Variants in UTS2 observed in about 807,000 individuals in gnomAD.
The protein encoded by UTS2 is urotensin 2.
In UTS2, 10 loss-of-function variants were observed where a neutral mutation model predicts 12.6. That is an observed-to-expected ratio of 0.80 (90% CI 0.49 to 1.35). The LOEUF (loss-of-function observed/expected upper bound fraction) is 1.35, where lower values mean the gene tolerates loss of function less well. Ranked by LOEUF, UTS2 falls within the 40% of genes most tolerant of loss-of-function variation. UTS2 has a pLI of 0.00. For missense variants in UTS2, 142 were observed against 143.2 expected (o/e 0.99, Z 0.04); for synonymous variants, 52 against 50.0 (o/e 1.04, Z -0.17).
At chr1:7,867,086 T>C in the UTS2 span, among the ~76,000 whole-genome samples, 3 of 152,088 alleles carry the variant, frequency 2.0e-5, no homozygotes, top group African/African-American at 4.8e-5. Flanking sequence ...GTCAGGATGG[T>C]CTTGAACTCC....
In UTS2 at chr1:7,847,895, A is replaced by G; in HGVS notation, c.259-13T>C. The G allele has an allele frequency of 1.3e-6, 2 of 1,568,566 alleles. No homozygotes were observed. The highest frequency in any genetic ancestry group is 1.7e-6 in the Non-Finnish European group (2 of 1,149,082). ...AGAAATCCTGAAACTAAAACAATCC[A>G]AACGAACAACAACAACAAAAAAAAA... On this transcript the variant is annotated splice_polypyrimidine_tract_variant and intron_variant, in intron 3 of 3. Transcript: ENST00000361696.
the UTS2 span, among the ~76,000 whole-genome samples, chr1:7,874,101 T>C: frequency 6.6e-6 from 1 of 152,014 alleles, no homozygotes; most frequent in Non-Finnish European, 1.5e-5. Flanking sequence ...TTCGGAAACA[T>C]GCAAAGAGAA....
chr1:7,892,738 C>T, the UTS2 span, among the ~76,000 whole-genome samples: 38 of 152,028 alleles, frequency 2.5e-4, no homozygotes, highest in Non-Finnish European at 2.9e-4. Context: ...TCAGCGGCCT[C>T]GGTCTCCCAA....
the UTS2 span, among the ~76,000 whole-genome samples, chr1:7,899,898 C>A: frequency 2.6e-5 from 4 of 152,146 alleles, no homozygotes; most frequent in Non-Finnish European, 4.4e-5. Flanking sequence ...GAGGGAAAGA[C>A]CTGCTTCCAG....
At chr1:7,890,728 C>CAAA in the UTS2 span, among the ~76,000 whole-genome samples, 474 of 107,244 alleles carry the variant, frequency 4.4e-3, 15 homozygotes, top group African/African-American at 0.011. Context: ...CCCATCTCCA[C>CAAA]AAAAAAAAAA....
At chr1:7,895,780 C>A in the UTS2 span, among the ~76,000 whole-genome samples, 1 of 152,172 alleles carries the variant, frequency 6.6e-6, no homozygotes, top group South Asian at 2.1e-4. Context: ...ATTGAAAAAG[C>A]AGTTTTATGA....
upstream of UTS2, chr1:7,853,662 C>T (rs1578028701): frequency 4.1e-6 from 2 of 484,912 alleles, no homozygotes; most frequent in East Asian, 3.8e-5. Context: ...GAAATAACTT[C>T]ATAAAGTTGA....
chr1:7,890,728 C>CAAAAA, the UTS2 span, among the ~76,000 whole-genome samples: 38 of 107,294 alleles, frequency 3.5e-4, no homozygotes, highest in Middle Eastern at 0.011. Flanking sequence ...CCCATCTCCA[C>CAAAAA]AAAAAAAAAA....
the UTS2 span, among the ~76,000 whole-genome samples, chr1:7,904,665 G>A: frequency 3.3e-5 from 5 of 152,136 alleles, no homozygotes; most frequent in Non-Finnish European, 7.3e-5. Flanking sequence ...AGCACTTTGG[G>A]AGGATGAGGC....
At chr1:7,885,920 G>A in the UTS2 span, among the ~76,000 whole-genome samples, 3 of 90,006 alleles carry the variant, frequency 3.3e-5, no homozygotes, top group Admixed American at 1.1e-4. Context: ...GGGGGGGGCG[G>A]GTGGAGGTGG....
At chr1:7,877,123 T>C in the UTS2 span, among the ~76,000 whole-genome samples, 1 of 38,550 alleles carries the variant, frequency 2.6e-5, no homozygotes, top group South Asian at 1.3e-3. Flanking sequence ...AGTGAGACTC[T>C]ATCAAAAAAA....
At chr1:7,876,199 A>G in the UTS2 span, among the ~76,000 whole-genome samples, 2 of 151,936 alleles carry the variant, frequency 1.3e-5, no homozygotes, top group Admixed American at 1.3e-4. Context: ...GCCCATGAAC[A>G]TTGTCTGGGC....
the UTS2 span, among the ~76,000 whole-genome samples, chr1:7,867,280 A>G: frequency 1.3e-5 from 2 of 152,180 alleles, no homozygotes; most frequent in African/African-American, 4.8e-5. Flanking sequence ...CATGCACCGA[A>G]TTGTGTTGGC....
chr1:7,857,094 GGAAGAAAAGGAAT>G (rs1397886041), upstream of UTS2, among the ~76,000 whole-genome samples: 1 of 115,024 alleles, frequency 8.7e-6, no homozygotes, highest in Non-Finnish European at 1.8e-5. Flanking sequence ...AAGGAAGGAA[GGAAGAAAAGGAAT>G]GAAGGAAGGA....
At chr1:7,912,734 T>C in the UTS2 span, among the ~76,000 whole-genome samples, 1 of 152,046 alleles carries the variant, frequency 6.6e-6, no homozygotes, top group Non-Finnish European at 1.5e-5. Flanking sequence ...TGCCCTCCAC[T>C]GGGGCCCCCA....
the UTS2 span, among the ~76,000 whole-genome samples, chr1:7,900,900 C>G: frequency 3.3e-5 from 5 of 152,154 alleles, no homozygotes; most frequent in African/African-American, 1.2e-4. Flanking sequence ...CCACTTTCTT[C>G]TATTCTCTGG....
At chr1:7,885,851 G>C in the UTS2 span, among the ~76,000 whole-genome samples, 18,098 of 143,814 alleles carry the variant, frequency 0.13, 1,669 homozygotes, top group Non-Finnish European at 0.19. Context: ...CGAGGCCCAG[G>C]AGAGGCAAGG....
chr1:7,890,967 AC>A, the UTS2 span, among the ~76,000 whole-genome samples: 69,585 of 135,874 alleles, frequency 0.51, 18,388 homozygotes, highest in Admixed American at 0.64. Flanking sequence ...GATACCCTCC[AC>A]CCCCCCCCAC....
chr1:7,875,293 C>T, the UTS2 span, among the ~76,000 whole-genome samples: 6 of 152,138 alleles, frequency 3.9e-5, no homozygotes, highest in Admixed American at 2.6e-4. Flanking sequence ...CCAGGATGGT[C>T]TCCATCTCCT....
Sources: gnomAD v4.1 joint callset for allele counts (sites outside exome capture counted in the v4.1 genomes callset) on GRCh38, gnomAD v4.1.1 for gene constraint, MANE v1.5 for transcripts, NCBI Gene and HGNC (gene_info 2026-07-23, HGNC 2026-07-21) for gene names.